The following EEIG1 variants were observed in gnomAD, a reference collection of about 807,000 sequenced individuals.
EEIG1 encodes estrogen-induced osteoclastogenesis regulator 1, also known as early estrogen-induced gene 1 protein.
the EEIG1 span, chr9:127,953,763 T>C: frequency 6.2e-7 from 1 of 1,613,624 alleles, no homozygotes; most frequent in Admixed American, 1.7e-5. Flanking sequence ...GGGAGGGGCC[T>C]ATAGCCCAGC....
At chr9:127,948,036 T>A in the EEIG1 span, 2 of 1,590,114 alleles carry the variant, frequency 1.3e-6, no homozygotes, top group African/African-American at 1.3e-5. Context: ...CTCGGGCCGC[T>A]AGCAGGGGAG....
At chr9:127,953,850 G>A in the EEIG1 span, 1 of 1,614,026 alleles carries the variant, frequency 6.2e-7, no homozygotes, top group Admixed American at 1.7e-5. Flanking sequence ...GCAGGCCGGT[G>A]GCCGGGTTAG....
At chr9:127,955,146 G>A in the EEIG1 span, among the ~76,000 whole-genome samples, 1 of 152,214 alleles carries the variant, frequency 6.6e-6, no homozygotes, top group Non-Finnish European at 1.5e-5. Context: ...AACCGCCAAG[G>A]GGACAGCTAA....
chr9:127,946,367 C>A, the EEIG1 span, among the ~76,000 whole-genome samples: 1 of 152,244 alleles, frequency 6.6e-6, no homozygotes, highest in Admixed American at 6.5e-5. Context: ...CACTCCCCAG[C>A]AGGAGGCAAA....
the EEIG1 span, chr9:127,980,069 C>G: frequency 1.2e-6 from 2 of 1,613,820 alleles, no homozygotes; most frequent in Admixed American, 3.3e-5. Flanking sequence ...CGAAGGGAAC[C>G]GCAGTCAGCT....
chr9:127,969,511 C>T, the EEIG1 span, among the ~76,000 whole-genome samples: 5 of 152,244 alleles, frequency 3.3e-5, no homozygotes, highest in East Asian at 7.7e-4. Context: ...ACATAATAGG[C>T]ATTAACCCAT....
chr9:127,978,709 C>A, the EEIG1 span, among the ~76,000 whole-genome samples: 2 of 151,982 alleles, frequency 1.3e-5, no homozygotes, highest in Admixed American at 6.6e-5. Flanking sequence ...TGGTAGCGTG[C>A]GCCTGTAATC....
At chr9:127,970,477 T>C in the EEIG1 span, among the ~76,000 whole-genome samples, 39 of 152,306 alleles carry the variant, frequency 2.6e-4, no homozygotes, top group African/African-American at 9.1e-4. Flanking sequence ...TCAGACTGCT[T>C]CCTGCTGTGA....
chr9:127,970,008 T>C, the EEIG1 span, among the ~76,000 whole-genome samples: 1 of 152,032 alleles, frequency 6.6e-6, no homozygotes. Flanking sequence ...AGCAGCAGAA[T>C]ATTACAGGCC....
At chr9:127,947,972 C>G in the EEIG1 span, 1 of 1,363,990 alleles carries the variant, frequency 7.3e-7, no homozygotes, top group East Asian at 2.3e-5. Flanking sequence ...CACCATCACT[C>G]TCCCCTCAGT....
At chr9:127,945,032 T>G in the EEIG1 span, 6 of 1,092,880 alleles carry the variant, frequency 5.5e-6, no homozygotes, top group African/African-American at 7.8e-5. This position sits in a 1 kb window ranked among gnomAD's most constrained non-coding sequence, Gnocchi z 6.5. Flanking sequence ...TGTACTTCAC[T>G]GAAACCTCAC....
At chr9:127,980,355 C>A in the EEIG1 span, 1 of 503,490 alleles carries the variant, frequency 2.0e-6, no homozygotes, top group Non-Finnish European at 3.5e-6. Context: ...AGCCGGGGCT[C>A]GGAGGGGTTC....
the EEIG1 span, among the ~76,000 whole-genome samples, chr9:127,949,412 T>C: frequency 2.0e-5 from 3 of 152,036 alleles, no homozygotes; most frequent in African/African-American, 7.3e-5. Context: ...CCAAGGCTGT[T>C]GATGAGGGAA....
the EEIG1 span, chr9:127,943,273 A>T: frequency 1.2e-6 from 2 of 1,608,754 alleles, no homozygotes; most frequent in Non-Finnish European, 1.7e-6. Context: ...GTCCCCCTCG[A>T]TACCCCATTT....
At chr9:127,979,139 C>T in the EEIG1 span, among the ~76,000 whole-genome samples, 1 of 152,230 alleles carries the variant, frequency 6.6e-6, no homozygotes, top group Non-Finnish European at 1.5e-5. Flanking sequence ...GAGTAAGCCA[C>T]AGCATCCAGC....
the EEIG1 span, chr9:127,980,452 G>C: frequency 1.0e-5 from 2 of 192,710 alleles, no homozygotes; most frequent in South Asian, 3.0e-4. Flanking sequence ...GGCTGCGCGC[G>C]AGCGGCCGCG....
chr9:127,967,705 CTG>C, the EEIG1 span, among the ~76,000 whole-genome samples: 1 of 152,236 alleles, frequency 6.6e-6, no homozygotes, highest in Non-Finnish European at 1.5e-5. Context: ...GAAGCAGAGA[CTG>C]GGGCTCAAAG....
the EEIG1 span, among the ~76,000 whole-genome samples, chr9:127,949,311 C>CAAAAAAAA: frequency 1.1e-5 from 1 of 90,158 alleles, no homozygotes; most frequent in Non-Finnish European, 2.0e-5. Flanking sequence ...GACTCTGTCT[C>CAAAAAAAA]AAAAAAAAAA....
chr9:127,956,704 C>T, the EEIG1 span, among the ~76,000 whole-genome samples: 1 of 151,902 alleles, frequency 6.6e-6, no homozygotes, highest in African/African-American at 2.4e-5. Context: ...AGCCACCACA[C>T]CCGGCCATTA....
Sources: gnomAD v4.1 joint callset for allele counts (sites outside exome capture counted in the v4.1 genomes callset) on GRCh38, gnomAD v4.1.1 for gene constraint, Gnocchi (gnomAD v3.1) non-coding constraint, MANE v1.5 for transcripts, NCBI Gene and HGNC (gene_info 2026-07-23, HGNC 2026-07-21) for gene names.